Variants in STK25 observed in about 807,000 individuals in gnomAD.
STK25 encodes the protein serine/threonine-protein kinase 25.
In STK25, 29 loss-of-function variants were observed where a neutral mutation model predicts 53.8. The observed-to-expected ratio is 0.54, with a 90% CI of 0.40 to 0.74. The LOEUF is 0.74. Among genes scored for constraint, STK25 ranks in the 30% least tolerant of loss-of-function variants. The pLI, the probability that STK25 is intolerant of heterozygous loss-of-function variation, is 0.00. For synonymous variants in STK25, 247 were observed against 238.3 expected (o/e 1.04, Z -0.33); for missense variants, 420 against 568.0 (o/e 0.74, Z 2.65).
chr2:241,499,399 A>C lies in STK25; in HGVS notation c.443T>G (p.Leu148Arg). The C allele has an allele frequency of 6.2e-7, 1 of 1,613,804 alleles. No homozygotes were observed. The highest frequency in any genetic ancestry group is 8.5e-7 in the Non-Finnish European group (1 of 1,179,892). Residue 148 changes from leucine to arginine, a missense_variant, in exon 6 of 12, where the codon CTC (leucine) becomes CGC (arginine). Transcript: ENST00000316586. ...HRDIKAANVL[L>R]SEQGDVKLAD... is the part of the protein sequence containing the mutation. ...CAGCTTCACGTCACCCTGCTCCGAG[A>C]GTAGCACGTTGGCAGCTGCTTGACA...
intron 4 of STK25, 61 bp downstream of exon 4, chr2:241,500,679 G>A (rs1433377193): frequency 1.3e-6 from 2 of 1,559,450 alleles, no homozygotes; most frequent in African/African-American, 2.7e-5. Flanking sequence ...GAGCCCATGA[G>A]TCTGAGGGGC....
chr2:241,503,186 C>A (rs1456135680), intron 2 of STK25, among the ~76,000 whole-genome samples: 3 of 152,124 alleles, frequency 2.0e-5, no homozygotes, highest in Admixed American at 2.0e-4. Context: ...GCCTCAGCCT[C>A]CCAAGTAGCT....
In STK25 at chr2:241,498,664, C is replaced by A; in HGVS notation, c.892G>T (p.Glu298Ter). Residue 298 changes from glutamate to a stop codon, truncating the protein, a stop_gained, in exon 8 of 12, where the codon GAG becomes TAG. Coordinates refer to ENST00000316586, the MANE Select transcript of STK25 (RefSeq NM_001271977.2). LOFTEE classifies it high-confidence loss of function. ...KRWKSEGHGE[E>*]SSSEDSDIDG... is the part of the protein sequence containing the mutation. ...ATGTCAGAGTCCTCAGAGCTGGACT[C>A]CTCGCCATGCCCCTCTGACTTCCAG... is the stretch of plus-strand genomic sequence containing the variant. 1.9e-6 allele frequency: 3 copies of A among 1,614,002 alleles called. No individual in the cohort carries two copies. Among genetic ancestry groups the A allele is most frequent in the Non-Finnish European group, 2.5e-6 (3 of 1,179,994 alleles).
intron 2 of STK25, among the ~76,000 whole-genome samples, chr2:241,504,524 G>A (rs960959635): frequency 1.3e-5 from 2 of 152,170 alleles, no homozygotes; most frequent in African/African-American, 2.4e-5. Context: ...AGAGAAGCCA[G>A]GAAAAATTCA....
Position 241,501,388 on chromosome 2 carries a change from T to C in STK25, c.261+90A>G. Reference sequence around the variant, plus strand: ...ATGCACTGAACCGTCAAGACCGCCTTGCACCCTCTGGCATGTCACTCAGTC... The same window carrying C: ...ATGCACTGAACCGTCAAGACCGCCTCGCACCCTCTGGCATGTCACTCAGTC... On this transcript the variant is annotated intron_variant, in intron 3 of 11. Coordinates refer to ENST00000316586, the MANE Select transcript of STK25 (RefSeq NM_001271977.2). This position sits in a 1 kb window ranked among gnomAD's most constrained non-coding sequence, Gnocchi z 5.3. 1 of 1,347,262 alleles carries C rather than the reference T, an allele frequency of 7.4e-7. No individual in the cohort carries two copies. The highest frequency in any genetic ancestry group is 1.0e-6 in the Non-Finnish European group (1 of 958,250). 83.5% of individuals were successfully genotyped at this position (1,347,262 alleles called of 1,614,324 possible).
Position 241,508,479 on chromosome 2 carries a change from T to C in STK25, c.-137A>G. The C allele has an allele frequency of 9.6e-7, 1 of 1,042,086 alleles. No individual in the cohort carries two copies. The highest frequency in any genetic ancestry group is 2.9e-5 in the South Asian group (1 of 34,566). The allele number at this position is 1,042,086 out of a possible 1,614,324, so 64.6% of individuals were successfully genotyped here. A position where few individuals can be genotyped will look rare whatever the true frequency, so the allele number is the denominator to read the frequency against. ...TCCATCCCGGCCTCCCCCGGCCCGC[T>C]CTGCAGCGCCCGCGAAGGCTCCCAC... On this transcript the variant is annotated 5_prime_UTR_variant, in exon 1 of 12. Transcript: ENST00000316586.
At chr2:241,498,389 G>A in intron 8 of STK25, 40 bp from the exon 9 acceptor site, 1 of 1,519,332 alleles carries the variant, frequency 6.6e-7, no homozygotes, top group Non-Finnish European at 8.9e-7. Context: ...GTGGGGAGAG[G>A]GCCAGGAGGC....
Position 241,499,073 on chromosome 2 carries a change from C to A in STK25, c.687G>T (p.Lys229Asn). The A allele has an allele frequency of 1.2e-6, 2 of 1,614,126 alleles. No individual in the cohort carries two copies. Among genetic ancestry groups the A allele is most frequent in the Non-Finnish European group, 8.5e-7 (1 of 1,180,010 alleles). Reference sequence around the variant, plus strand: ...GGCCCTCCAGTGTGGGTGGGCTGTTCTTGGGAATCAGGAACAGGACGCGCA... The same window carrying A: ...GGCCCTCCAGTGTGGGTGGGCTGTTATTGGGAATCAGGAACAGGACGCGCA... ...HPMRVLFLIP[K>N]NSPPTLEGQH... The change falls in exon 7 of 12, where the codon AAG becomes AAT. Residue 229 changes from lysine to asparagine, a missense_variant. Coordinates refer to ENST00000316586, the MANE Select transcript of STK25 (RefSeq NM_001271977.2).
Position 241,496,646 on chromosome 2 carries a change from G to T in STK25, c.1105-112C>A. On this transcript the variant is annotated intron_variant, in intron 10 of 11. Coordinates refer to ENST00000316586, the MANE Select transcript of STK25 (RefSeq NM_001271977.2). This position sits in a 1 kb window ranked among gnomAD's most constrained non-coding sequence, Gnocchi z 5.8. ...AGGCCTTCAGGGCTCTCGCCTAGGA[G>T]CCACACCCGGGAGCCCTTCAGCAAG... 1 of 1,261,476 alleles carries T rather than the reference G, an allele frequency of 7.9e-7. No homozygotes were observed. The highest frequency in any genetic ancestry group is 1.1e-6 in the Non-Finnish European group (1 of 923,098). The allele number at this position is 1,261,476 out of a possible 1,614,324, so 78.1% of individuals were successfully genotyped here. A position where few individuals can be genotyped will look rare whatever the true frequency, so the allele number is the denominator to read the frequency against.
Position 241,496,273 on chromosome 2 carries a change from C to T in STK25, c.1241+125G>A. 1 of 1,241,118 alleles carries T rather than the reference C, an allele frequency of 8.1e-7. No individual in the cohort carries two copies. The highest frequency in any genetic ancestry group is 2.0e-5 in the Admixed American group (1 of 50,086). 76.9% of individuals were successfully genotyped at this position (1,241,118 alleles called of 1,614,324 possible). ...AAGAGGATGCCACGCCGCGCCTTCC[C>T]AGAGTGAAGCGAGCCCATGTAGTGC... On this transcript the variant is annotated intron_variant, in intron 11 of 11. Coordinates refer to ENST00000316586, the MANE Select transcript of STK25 (RefSeq NM_001271977.2). The surrounding 1 kb of genome is among the most constrained non-coding windows in gnomAD (Gnocchi z 5.8).
chr2:241,502,390 G>C (rs1028568739), intron 2 of STK25, among the ~76,000 whole-genome samples: 6 of 152,092 alleles, frequency 3.9e-5, no homozygotes, highest in Admixed American at 1.3e-4. Flanking sequence ...CTGGGGGTGA[G>C]GGGGGATTTG....
In STK25 at chr2:241,495,231, C is replaced by T. The variant is rs910888799; in HGVS notation, c.*431G>A. 7 of 169,184 alleles carry T rather than the reference C, an allele frequency of 4.1e-5. No individual in the cohort carries two copies. The highest frequency in any genetic ancestry group is 7.1e-5 in the African/African-American group (3 of 42,172). The allele number at this position is 169,184 out of a possible 1,614,324, so 10.5% of individuals were successfully genotyped here. ...GCCATCATGGGCCCCGGGAGGACAG[C>T]GGCCAGGACACTCCTCTGGGGGCTG... On this transcript the variant is annotated 3_prime_UTR_variant, in exon 12 of 12. Coordinates refer to ENST00000316586, the MANE Select transcript of STK25 (RefSeq NM_001271977.2).
intron 4 of STK25, 136 bp from the exon 5 acceptor site, chr2:241,500,417 A>G (rs781000966): frequency 3.1e-6 from 2 of 655,700 alleles, no homozygotes; most frequent in Non-Finnish European, 5.3e-6. Context: ...CCCAAACAGA[A>G]CTAAGTTTCA....
chr2:241,504,402 G>A (rs1399493729), intron 2 of STK25, among the ~76,000 whole-genome samples: 3 of 152,194 alleles, frequency 2.0e-5, no homozygotes, highest in Non-Finnish European at 4.4e-5. Context: ...CCAAAGCCAA[G>A]GTCAAGAAAC....
At chr2:241,498,455 G>A (rs566801243) in intron 8 of STK25, 106 bp from the exon 9 acceptor site, 1 of 1,267,696 alleles carries the variant, frequency 7.9e-7, no homozygotes, top group Non-Finnish European at 1.1e-6. Context: ...ACCAGACGGG[G>A]CTCTGCCAGG....
At chr2:241,500,852 A>G (rs2065466736) in intron 3 of STK25, 56 bp from the exon 4 acceptor site, 1 of 1,584,258 alleles carries the variant, frequency 6.3e-7, no homozygotes, top group Admixed American at 1.7e-5. Context: ...GGCATGCTCC[A>G]GGGTGGGAGT....
chr2:241,501,002 A>T lies in STK25; in HGVS notation c.262-206T>A. ...CTACAGATGCTCAGAGGACAGGTTG[A>T]GTACACACAGCAGTGGCTGACTCCA... On this transcript the variant is annotated intron_variant, in intron 3 of 11. Coordinates refer to ENST00000316586, the MANE Select transcript of STK25 (RefSeq NM_001271977.2). This position sits in a 1 kb window ranked among gnomAD's most constrained non-coding sequence, Gnocchi z 5.3. 1.7e-6 allele frequency: 1 copy of T among 601,740 alleles called. No homozygotes were observed. Among genetic ancestry groups the T allele is most frequent in the East Asian group, 2.8e-5 (1 of 35,948 alleles). The allele number at this position is 601,740 out of a possible 1,614,324, so 37.3% of individuals were successfully genotyped here. A position where few individuals can be genotyped will look rare whatever the true frequency, so the allele number is the denominator to read the frequency against.
Position 241,501,368 on chromosome 2 carries a change from C to A in STK25, c.261+110G>T, listed in dbSNP as rs1171568455. 1 of 1,145,894 alleles carries A rather than the reference C, an allele frequency of 8.7e-7. No individual in the cohort carries two copies. The highest frequency in any genetic ancestry group is 1.3e-5 in the South Asian group (1 of 75,558). The allele number at this position is 1,145,894 out of a possible 1,614,324, so 71.0% of individuals were successfully genotyped here. A position where few individuals can be genotyped will look rare whatever the true frequency, so the allele number is the denominator to read the frequency against. On this transcript the variant is annotated intron_variant, in intron 3 of 11. Transcript: ENST00000316586. This position sits in a 1 kb window ranked among gnomAD's most constrained non-coding sequence, Gnocchi z 5.3. ...AGGGCAGTTTCCCGGAGGGCATGCA[C>A]TGAACCGTCAAGACCGCCTTGCACC...
Position 241,501,287 on chromosome 2 carries a change from A to G in STK25, c.261+191T>C, listed in dbSNP as rs1357319345. On this transcript the variant is annotated intron_variant, in intron 3 of 11. Coordinates refer to ENST00000316586, the MANE Select transcript of STK25 (RefSeq NM_001271977.2). The surrounding 1 kb of genome is among the most constrained non-coding windows in gnomAD (Gnocchi z 5.3). ...ACCACAGGCAGGCAAGTGGGTCCCA[A>G]TGGCCATTTAGAGCCAACTGACCCT... The G allele has an allele frequency of 4.6e-6, 3 of 649,252 alleles. No homozygotes were observed. Among genetic ancestry groups the G allele is most frequent in the Non-Finnish European group, 8.3e-6 (3 of 361,214 alleles). 40.2% of individuals were successfully genotyped at this position (649,252 alleles called of 1,614,324 possible). A position where few individuals can be genotyped will look rare whatever the true frequency, so the allele number is the denominator to read the frequency against.
Sources: allele counts gnomAD v4.1 joint callset (sites outside exome capture counted in the v4.1 genomes callset), GRCh38; gene constraint gnomAD v4.1.1; non-coding constraint Gnocchi (gnomAD v3.1); transcripts MANE v1.5; gene names NCBI Gene and HGNC (gene_info 2026-07-23, HGNC 2026-07-21).